Variants in ANKRD60 observed in about 807,000 individuals in gnomAD.
The protein encoded by ANKRD60 is ankyrin repeat domain-containing protein 60.
A neutral mutation model predicts 21.3 loss-of-function variants in ANKRD60; 24 were observed. The ratio of observed to expected loss-of-function variants is 1.13; its 90% CI spans 0.82 to 1.59. ANKRD60 has a LOEUF of 1.59. Ranked by LOEUF, ANKRD60 falls within the 40% of genes most tolerant of loss-of-function variation. The pLI is 0.00. For missense variants in ANKRD60, 490 were observed against 466.7 expected (o/e 1.05, Z -0.46); for synonymous variants, 182 against 199.4 (o/e 0.91, Z 0.74).
At position 58,227,477 on chromosome 20, in the gene ANKRD60, T is replaced by G. The variant is rs549070934; in HGVS notation, c.430+747A>C. The stretch of plus-strand genomic sequence containing the variant: ...AGTTGGGCATGTGTGCTCTGGATTT[T>G]GGGGTCCTGAGGTGGTCAAGGTTTG... On this transcript the variant is annotated intron_variant, in intron 1 of 3. Transcript: ENST00000457363. Among the ~76,000 whole-genome samples the G allele has an allele frequency of 3.9e-5, 6 of 152,188 alleles. No individual in the cohort carries two copies. The East Asian group carries it at 1.2e-3, about 29-fold the overall frequency.
downstream of ANKRD60, among the ~76,000 whole-genome samples, chr20:58,217,866 T>G (rs1040717557): frequency 6.6e-6 from 1 of 152,074 alleles, no homozygotes; most frequent in Non-Finnish European, 1.5e-5. Context: ...TTACACTGTT[T>G]CCTCCCCATC....
At chr20:58,225,815 T>C (rs1600685279) in intron 1 of ANKRD60, among the ~76,000 whole-genome samples, 1 of 152,206 alleles carries the variant, frequency 6.6e-6, no homozygotes, top group East Asian at 1.9e-4. Context: ...GTGTGTTGCG[T>C]TGATTTCAAC....
downstream of ANKRD60, chr20:58,218,466 C>A: frequency 6.5e-7 from 1 of 1,531,786 alleles, no homozygotes; most frequent in East Asian, 2.5e-5. Flanking sequence ...CCCAAACCAG[C>A]CTCAGCGGGC....
At chr20:58,219,466 C>A (rs1405396480) in intron 3 of ANKRD60, among the ~76,000 whole-genome samples, 1 of 152,206 alleles carries the variant, frequency 6.6e-6, no homozygotes, top group Non-Finnish European at 1.5e-5. Context: ...GAGCACATAG[C>A]TCAGTGCCTG....
At chr20:58,220,136 AG>A (rs1267612366) in intron 3 of ANKRD60, among the ~76,000 whole-genome samples, 3 of 152,222 alleles carry the variant, frequency 2.0e-5, no homozygotes, top group African/African-American at 7.2e-5. Context: ...TAGGAAAGAA[AG>A]GGGTCTAATT....
chr20:58,217,613 G>A (rs536542619), downstream of ANKRD60, among the ~76,000 whole-genome samples: 6 of 151,856 alleles, frequency 4.0e-5, no homozygotes, highest in East Asian at 1.9e-4. Flanking sequence ...CAGCTCACTC[G>A]TGCACTCGGC....
At chr20:58,223,114 T>A (rs1048696382) in exon 2 of ANKRD60, 14 of 1,551,684 alleles carry the variant, frequency 9.0e-6, no homozygotes, top group Non-Finnish European at 1.2e-5. Flanking sequence ...TGATGCCAGA[T>A]ACATAATGAA....
downstream of ANKRD60, chr20:58,218,348 C>G: frequency 1.3e-6 from 1 of 793,010 alleles, no homozygotes; most frequent in South Asian, 1.8e-5. Context: ...CTCCAGAAAT[C>G]ATTTGCAAAC....
intron 3 of ANKRD60, among the ~76,000 whole-genome samples, chr20:58,220,203 A>G (rs997670115): frequency 8.5e-5 from 13 of 152,316 alleles, no homozygotes; most frequent in Middle Eastern, 3.4e-3. Flanking sequence ...AGCCCAAACC[A>G]TTGACCAAAC....
chr20:58,218,883 T>G (rs1482467864), intron 3 of ANKRD60, 78 bp from the exon 4 acceptor site: 1 of 1,379,420 alleles, frequency 7.2e-7, no homozygotes, highest in South Asian at 1.5e-5. Flanking sequence ...GTGAAGGGAG[T>G]GCTCCTCAGG....
In ANKRD60 at chr20:58,228,426, G is replaced by A. The variant is rs778354792; in HGVS notation, c.228C>T (p.Leu76=). The A allele has an allele frequency of 1.4e-5, 22 of 1,542,672 alleles. 1 individual carries two copies. The South Asian group carries it at 1.7e-4, about 12-fold the overall frequency. ...CACTCGCGGCCTTCGGGTCACAGAC[G>A]AGCCGCTGGCTCCGGCCGCGGGCAC... Residue 76 remains leucine (L), a synonymous_variant, in exon 1 of 4, where the codon CTC becomes CTT. Coordinates refer to ENST00000457363, the Ensembl canonical transcript of ANKRD60. This position sits in a 1 kb window ranked among gnomAD's most constrained non-coding sequence, Gnocchi z 5.3.
chr20:58,228,523 C>G lies in ANKRD60; in HGVS notation c.131G>C (p.Gly44Ala). Reference sequence around the variant, plus strand: ...CCTGGGCCCGCCGCACCCCTGAGCCCCGGCCCGCGCACCGCTCCTGCGTCC... The same window carrying G: ...CCTGGGCCCGCCGCACCCCTGAGCCGCGGCCCGCGCACCGCTCCTGCGTCC... The change falls in exon 1 of 4, where the codon GGG becomes GCG. Residue 44 changes from glycine to alanine, a missense_variant. By Grantham distance (60) the Gly-to-Ala change is moderately conservative. Coordinates refer to ENST00000457363, the Ensembl canonical transcript of ANKRD60. This position sits in a 1 kb window ranked among gnomAD's most constrained non-coding sequence, Gnocchi z 5.3. 1 of 1,351,516 alleles carries G rather than the reference C, an allele frequency of 7.4e-7. No individual in the cohort carries two copies. 83.7% of individuals were successfully genotyped at this position (1,351,516 alleles called of 1,614,324 possible).
Position 58,228,510 on chromosome 20 carries a change from G to A in ANKRD60, c.144C>T (p.Cys48=), listed in dbSNP as rs1164581440. 2.8e-6 allele frequency: 4 copies of A among 1,404,996 alleles called. No homozygotes were observed. Among genetic ancestry groups the A allele is most frequent in the South Asian group, 3.1e-5 (2 of 65,118 alleles). The allele number at this position is 1,404,996 out of a possible 1,614,324, so 87.0% of individuals were successfully genotyped here. The change falls in exon 1 of 4, where the codon TGC becomes TGT. Residue 48 remains cysteine, a synonymous_variant. Transcript: ENST00000457363. This position sits in a 1 kb window ranked among gnomAD's most constrained non-coding sequence, Gnocchi z 5.3. ...CCGCCGAGCCCACCCTGGGCCCGCC[G>A]CACCCCTGAGCCCCGGCCCGCGCAC...
rs1209110319 is a variant in ANKRD60, at chr20:58,228,431, G to A, written c.223C>T (p.Arg75Trp). The A allele has an allele frequency of 6.5e-7, 1 of 1,541,798 alleles. No individual in the cohort carries two copies. Residue 75 changes from arginine (R) to tryptophan (W), a missense_variant, in exon 1 of 4, where the codon CGG becomes TGG. Arg to Trp is a moderately radical substitution (Grantham distance 101, BLOSUM62 -3). Coordinates refer to ENST00000457363, the Ensembl canonical transcript of ANKRD60. This position sits in a 1 kb window ranked among gnomAD's most constrained non-coding sequence, Gnocchi z 5.3. ...GCGGCCTTCGGGTCACAGACGAGCC[G>A]CTGGCTCCGGCCGCGGGCACAGGCC...
chr20:58,217,470 G>A (rs1984158956), downstream of ANKRD60, among the ~76,000 whole-genome samples: 1 of 151,648 alleles, frequency 6.6e-6, no homozygotes, highest in African/African-American at 2.4e-5. Flanking sequence ...CTTTCAAAAA[G>A]CCAGATTTCC....
At chr20:58,221,390 A>G in exon 3 of ANKRD60, 2 of 1,552,412 alleles carry the variant, frequency 1.3e-6, no homozygotes, top group African/African-American at 1.4e-5. Flanking sequence ...GTGAGGCCAC[A>G]TACAACGCCA....
At chr20:58,227,357 AG>A (rs1379492964) in intron 1 of ANKRD60, among the ~76,000 whole-genome samples, 1 of 151,900 alleles carries the variant, frequency 6.6e-6, no homozygotes, top group East Asian at 1.9e-4. Flanking sequence ...TGAGATGGAC[AG>A]GGTTTGTTTT....
At chr20:58,222,702 A>G (rs1332746846) in intron 2 of ANKRD60, among the ~76,000 whole-genome samples, 1 of 152,238 alleles carries the variant, frequency 6.6e-6, no homozygotes, top group Non-Finnish European at 1.5e-5. Flanking sequence ...CCGAGCTCTG[A>G]GCTGTACGCT....
chr20:58,226,618 G>C (rs920788033), intron 1 of ANKRD60, among the ~76,000 whole-genome samples: 1 of 152,146 alleles, frequency 6.6e-6, no homozygotes, highest in Non-Finnish European at 1.5e-5. Context: ...TTCAACCTTG[G>C]AGTGCTGATG....
Sources: gnomAD v4.1 joint callset for allele counts (sites outside exome capture counted in the v4.1 genomes callset) on GRCh38, gnomAD v4.1.1 for gene constraint, Gnocchi (gnomAD v3.1) non-coding constraint, MANE v1.5 for transcripts, NCBI Gene and HGNC (gene_info 2026-07-23, HGNC 2026-07-21) for gene names.